The following DNAH6 variants were observed in gnomAD, a reference collection of about 807,000 sequenced individuals.
DNAH6 encodes the protein dynein axonemal heavy chain 6.
Under a neutral mutation model 491.4 loss-of-function variants are expected in DNAH6, and 340 were observed. The observed-to-expected ratio is 0.69, with a 90% CI of 0.63 to 0.76. The LOEUF (loss-of-function observed/expected upper bound fraction) is 0.76. Among genes scored for constraint, DNAH6 ranks in the 30% least tolerant of loss-of-function variants. The pLI, the probability that DNAH6 is intolerant of heterozygous loss-of-function variation, is 0.00. For missense variants in DNAH6, 4,443 were observed against 4,972.2 expected (o/e 0.89, Z 3.20); for synonymous variants, 1,603 against 1,686.1 (o/e 0.95, Z 1.21).
chr2:84,802,298 G>T (rs1232319993), intron 70 of DNAH6, among the ~76,000 whole-genome samples: 1 of 152,160 alleles, frequency 6.6e-6, no homozygotes, highest in Admixed American at 6.5e-5. Flanking sequence ...CCATCGTTCT[G>T]CTGTCTTCAA....
chr2:84,558,194 G>T (rs534458799), intron 11 of DNAH6, among the ~76,000 whole-genome samples: 24 of 152,136 alleles, frequency 1.6e-4, no homozygotes, highest in African/African-American at 5.3e-4. Flanking sequence ...TTGGGAGACC[G>T]AGGCGGGCAG....
At chr2:84,694,515 AAATGTATGGGTGTTAC>A in intron 46 of DNAH6, 35 bp downstream of exon 46, 1 of 1,447,250 alleles carries the variant, frequency 6.9e-7, no homozygotes, top group Non-Finnish European at 9.5e-7. Flanking sequence ...TGAGAACAGG[AAATGTATGGGTGTTAC>A]AATCGGGTGT....
chr2:84,555,103 T>G (rs1296013709), intron 10 of DNAH6, among the ~76,000 whole-genome samples: 1 of 152,186 alleles, frequency 6.6e-6, no homozygotes, highest in Non-Finnish European at 1.5e-5. Context: ...AATTTTCTAT[T>G]TTTTCGCTAT....
At chr2:84,589,726 A>G (rs1193584915) in intron 16 of DNAH6, among the ~76,000 whole-genome samples, 1 of 151,744 alleles carries the variant, frequency 6.6e-6, no homozygotes, top group Non-Finnish European at 1.5e-5. Context: ...AAAAAAAAAA[A>G]AAAAAGAAAG....
At chr2:84,494,587 A>G in the DNAH6 span, among the ~76,000 whole-genome samples, 2 of 152,244 alleles carry the variant, frequency 1.3e-5, no homozygotes, top group African/African-American at 4.8e-5. Context: ...TAATATCTGC[A>G]TTCAAACATT....
chr2:84,548,565 T>C, intron 8 of DNAH6, 148 bp downstream of exon 8: 1 of 854,622 alleles, frequency 1.2e-6, no homozygotes, highest in South Asian at 1.7e-5. Flanking sequence ...TTGTATACCT[T>C]AAGTACACAC....
At chr2:84,791,428 C>A (rs989247426) in intron 68 of DNAH6, among the ~76,000 whole-genome samples, 91 of 151,704 alleles carry the variant, frequency 6.0e-4, no homozygotes, top group African/African-American at 2.0e-3. Flanking sequence ...AAGCCAGACA[C>A]AAAAGCCCAC....
intron 16 of DNAH6, 113 bp from the exon 17 acceptor site, chr2:84,593,859 G>T: frequency 2.2e-6 from 1 of 446,490 alleles, no homozygotes; most frequent in Non-Finnish European, 3.9e-6. Context: ...AATCCATTTA[G>T]GATGCACATT....
the DNAH6 span, among the ~76,000 whole-genome samples, chr2:84,507,904 C>T: frequency 6.6e-6 from 1 of 152,154 alleles, no homozygotes; most frequent in African/African-American, 2.4e-5. Context: ...GCCTTGCATC[C>T]CAGGGATGAA....
At chr2:84,689,764 G>A (rs920833609) in intron 45 of DNAH6, among the ~76,000 whole-genome samples, 4 of 152,140 alleles carry the variant, frequency 2.6e-5, no homozygotes, top group African/African-American at 7.2e-5. Flanking sequence ...TTTGGACAAC[G>A]CTGTGTGCCA....
rs1488956778 is a variant in DNAH6 at position 84,529,032 on chromosome 2, A to T, written c.528A>T (p.Glu176Asp). The T allele has an allele frequency of 6.4e-7, 1 of 1,551,514 alleles. No individual in the cohort carries two copies. Among genetic ancestry groups the T allele is most frequent in the Admixed American group, 2.0e-5 (1 of 50,988 alleles). ...CTAAGTACACTTTTCACGACCGAGA[A>T]GAAGTTGTTAAAGCCAACATTCGTG... ...AYPKYTFHDR[E>D]EVVKANIRDP... The change falls in exon 4 of 77, where the codon GAA becomes GAT. Residue 176 changes from glutamate to aspartate, a missense_variant. Physicochemically the swap from Glu to Asp is conservative, Grantham distance 45. Transcript: ENST00000389394.
At chr2:84,804,644 T>C (rs977257398) in intron 70 of DNAH6, among the ~76,000 whole-genome samples, 1 of 152,158 alleles carries the variant, frequency 6.6e-6, no homozygotes, top group Non-Finnish European at 1.5e-5. Context: ...AAGAATGACC[T>C]GAAACTGTGT....
chr2:84,750,190 G>GTTTT (rs199818701), intron 63 of DNAH6, among the ~76,000 whole-genome samples: 5 of 131,508 alleles, frequency 3.8e-5, no homozygotes, highest in African/African-American at 5.6e-5. Context: ...GTTTGGTTTG[G>GTTTT]TTTTTTTTTT....
In DNAH6 at chr2:84,625,076, C is replaced by G; in HGVS notation, c.4515+13C>G. 6.7e-7 allele frequency: 1 copy of G among 1,500,310 alleles called. No individual in the cohort carries two copies. The highest frequency in any genetic ancestry group is 1.3e-5 in the South Asian group (1 of 74,452). The allele number at this position is 1,500,310 out of a possible 1,614,324, so 92.9% of individuals were successfully genotyped here. ...TTTGGACTACAAGGTACAGTTCTTGCATCTGAATATTAACATTAAGTGTTT... is the reference window on the plus strand; with the variant it reads ...TTTGGACTACAAGGTACAGTTCTTGGATCTGAATATTAACATTAAGTGTTT... On this transcript the variant is annotated intron_variant, in intron 29 of 76. Transcript: ENST00000389394.
At chr2:84,760,606 T>A (rs191721927) in intron 63 of DNAH6, among the ~76,000 whole-genome samples, 10 of 152,198 alleles carry the variant, frequency 6.6e-5, no homozygotes, top group African/African-American at 2.2e-4. Context: ...CACAATGAGA[T>A]ATTATCATAC....
chr2:84,490,141 A>C, the DNAH6 span, among the ~76,000 whole-genome samples: 24 of 152,186 alleles, frequency 1.6e-4, no homozygotes, highest in Non-Finnish European at 2.8e-4. Flanking sequence ...AAATGTTTGT[A>C]TCTACCACAT....
At chr2:84,794,279 T>C (rs1488758325) in intron 68 of DNAH6, among the ~76,000 whole-genome samples, 1 of 152,156 alleles carries the variant, frequency 6.6e-6, no homozygotes, top group East Asian at 1.9e-4. Flanking sequence ...AAGGACTTCA[T>C]GTCTAAAACA....
chr2:84,625,598 A>T (rs1352518449), intron 29 of DNAH6, among the ~76,000 whole-genome samples: 2 of 149,198 alleles, frequency 1.3e-5, no homozygotes, highest in East Asian at 3.9e-4. Context: ...GAAAAAATTA[A>T]GTAAAATATG....
At chr2:84,657,716 G>A (rs1317309167) in intron 35 of DNAH6, among the ~76,000 whole-genome samples, 2 of 151,586 alleles carry the variant, frequency 1.3e-5, no homozygotes, top group African/African-American at 4.8e-5. Context: ...GTTTTGTTTT[G>A]TCAATTTAGG....
Sources: allele counts gnomAD v4.1 joint callset (sites outside exome capture counted in the v4.1 genomes callset), GRCh38; gene constraint gnomAD v4.1.1; transcripts MANE v1.5; gene names NCBI Gene and HGNC (gene_info 2026-07-23, HGNC 2026-07-21).